Variants in ZBTB7C observed in about 807,000 individuals in gnomAD.
ZBTB7C encodes the protein zinc finger and BTB domain containing 7C.
Under a neutral mutation model 25.7 loss-of-function variants are expected in ZBTB7C, and 8 were observed. The observed-to-expected ratio is 0.31, with a 90% CI of 0.18 to 0.56. The LOEUF is 0.56. ZBTB7C is among the 20% of genes least tolerant of loss of function. ZBTB7C has a pLI of 0.91. For synonymous variants in ZBTB7C, 394 were observed against 369.0 expected, an observed-to-expected ratio of 1.07 and a Z score of -0.78; for missense variants, 824 against 855.2, an observed-to-expected ratio of 0.96 and a Z score of 0.46.
intron 3 of ZBTB7C, among the ~76,000 whole-genome samples, chr18:48,160,955 C>CA (rs1332617699): frequency 8.4e-6 from 1 of 118,620 alleles, no homozygotes; most frequent in African/African-American, 3.5e-5. Context: ...TTTTTTTTTC[C>CA]AGTGCCGGGG....
chr18:48,402,128 A>G (rs1345935991), intron 1 of ZBTB7C, among the ~76,000 whole-genome samples: 1 of 152,142 alleles, frequency 6.6e-6, no homozygotes. Flanking sequence ...AGCCCTGGGA[A>G]CAGAGCAATG....
rs540334913 is a variant in ZBTB7C at position 48,113,938 on chromosome 18, CTG to C, written c.-17+71994_-17+71995del. Among the ~76,000 whole-genome samples the C allele has an allele frequency of 8.3e-4, 126 of 152,338 alleles. 1 individual carries two copies. The highest frequency in any genetic ancestry group is 2.4e-3 in the Admixed American group (36 of 15,304). On this transcript the variant is annotated intron_variant, in intron 3 of 4. Coordinates refer to ENST00000590800, the MANE Select transcript of ZBTB7C (RefSeq NM_001318841.2). ...AATGCTGGCCAAATCCCCATTCACT[CTG>C]TGTCTCCATCTACTTGTCTGAAATA...
At chr18:48,214,999 C>T (rs2042788270) in intron 2 of ZBTB7C, among the ~76,000 whole-genome samples, 1 of 152,162 alleles carries the variant, frequency 6.6e-6, no homozygotes, top group Non-Finnish European at 1.5e-5. Flanking sequence ...TTTTAGCCAT[C>T]TTGTTGCATA....
chr18:48,170,486 A>G (rs1361579173), intron 3 of ZBTB7C, among the ~76,000 whole-genome samples: 2 of 152,192 alleles, frequency 1.3e-5, no homozygotes, highest in African/African-American at 4.8e-5. Flanking sequence ...CATCATGAAC[A>G]CAAAGAAAGT....
At chr18:48,141,153 C>G (rs1277332148) in intron 3 of ZBTB7C, among the ~76,000 whole-genome samples, 1 of 148,686 alleles carries the variant, frequency 6.7e-6, no homozygotes, top group African/African-American at 2.5e-5. Flanking sequence ...ACCACCCCCC[C>G]CACTGTTCCT....
At chr18:48,107,112 G>A (rs1224338657) in intron 3 of ZBTB7C, among the ~76,000 whole-genome samples, 1 of 150,752 alleles carries the variant, frequency 6.6e-6, no homozygotes, top group East Asian at 2.0e-4. Context: ...GAGGAGAGAG[G>A]GGAAGAGAGA....
chr18:48,176,307 G>T (rs760825752), intron 3 of ZBTB7C, among the ~76,000 whole-genome samples: 2 of 152,172 alleles, frequency 1.3e-5, no homozygotes, highest in Non-Finnish European at 2.9e-5. Flanking sequence ...ATTCTTCAAA[G>T]ATGTCCATGT....
intron 2 of ZBTB7C, among the ~76,000 whole-genome samples, chr18:48,264,971 A>C (rs1385949324): frequency 6.6e-6 from 1 of 152,216 alleles, no homozygotes; most frequent in Admixed American, 6.5e-5. Flanking sequence ...GTCACGGTGA[A>C]GTGAGAACCA....
intron 3 of ZBTB7C, among the ~76,000 whole-genome samples, chr18:48,065,514 G>C (rs908577824): frequency 3.5e-4 from 53 of 152,222 alleles, no homozygotes; most frequent in African/African-American, 1.2e-3. Flanking sequence ...ACTGGGGGTA[G>C]AGCCATGCTT....
intron 3 of ZBTB7C, among the ~76,000 whole-genome samples, chr18:48,058,336 C>T (rs1299246843): frequency 6.6e-6 from 1 of 152,210 alleles, no homozygotes; most frequent in Non-Finnish European, 1.5e-5. Context: ...TTTGATGATG[C>T]CCTTTGTGGG....
intron 2 of ZBTB7C, among the ~76,000 whole-genome samples, chr18:48,194,810 G>C (rs1430601638): frequency 6.6e-6 from 1 of 151,656 alleles, no homozygotes; most frequent in Non-Finnish European, 1.5e-5. Flanking sequence ...CTGTGGGGAA[G>C]GGAGAACAGA....
At chr18:48,069,027 A>G (rs2037442669) in intron 3 of ZBTB7C, among the ~76,000 whole-genome samples, 1 of 152,208 alleles carries the variant, frequency 6.6e-6, no homozygotes, top group African/African-American at 2.4e-5. Flanking sequence ...CACTAAGGGC[A>G]CGTGGCACCT....
chr18:48,165,958 G>C (rs2041231686), intron 3 of ZBTB7C, among the ~76,000 whole-genome samples: 1 of 152,184 alleles, frequency 6.6e-6, no homozygotes, highest in South Asian at 2.1e-4. Flanking sequence ...CTTATTAACA[G>C]TATGGCCTGC....
At chr18:48,091,097 A>C (rs1026227302) in intron 3 of ZBTB7C, among the ~76,000 whole-genome samples, 2 of 151,816 alleles carry the variant, frequency 1.3e-5, no homozygotes, top group African/African-American at 2.4e-5. Flanking sequence ...TTTAAAAGAC[A>C]GGGTCTCGCT....
chr18:48,173,196 A>G (rs932938095), intron 3 of ZBTB7C, among the ~76,000 whole-genome samples: 13 of 152,230 alleles, frequency 8.5e-5, no homozygotes, highest in Non-Finnish European at 1.2e-4. Context: ...AACCTGATTA[A>G]GAAAATCAGT....
chr18:48,093,564 A>G (rs2038499615), intron 3 of ZBTB7C, among the ~76,000 whole-genome samples: 1 of 152,174 alleles, frequency 6.6e-6, no homozygotes, highest in Non-Finnish European at 1.5e-5. Flanking sequence ...CCAGCTATGT[A>G]AGTGACTGCC....
chr18:48,123,462 C>T (rs1457480337), intron 3 of ZBTB7C, among the ~76,000 whole-genome samples: 1 of 152,226 alleles, frequency 6.6e-6, no homozygotes, highest in East Asian at 1.9e-4. Context: ...GAGGCCTGGG[C>T]GTTTTGGCCC....
chr18:48,363,680 C>T (rs1174537377), intron 1 of ZBTB7C, among the ~76,000 whole-genome samples: 3 of 152,080 alleles, frequency 2.0e-5, no homozygotes, highest in East Asian at 1.9e-4. Context: ...GATGCTTTCC[C>T]GAGATGGAGG....
chr18:48,082,692 G>C (rs2038037556), intron 3 of ZBTB7C, among the ~76,000 whole-genome samples: 1 of 148,448 alleles, frequency 6.7e-6, no homozygotes, highest in Non-Finnish European at 1.5e-5. Context: ...CCCGTGCGCT[G>C]GGCATGAGTT....
Sources: gnomAD v4.1 joint callset for allele counts (sites outside exome capture counted in the v4.1 genomes callset) on GRCh38, gnomAD v4.1.1 for gene constraint, MANE v1.5 for transcripts, NCBI Gene and HGNC (gene_info 2026-07-23, HGNC 2026-07-21) for gene names.